Variants in ADAM15 observed in about 807,000 individuals in gnomAD.
The protein encoded by ADAM15 is ADAM metallopeptidase domain 15, also known as disintegrin and metalloproteinase domain-containing protein 15.
ADAM15 carries 77 observed loss-of-function variants against 113.8 expected under a neutral mutation model. The observed-to-expected ratio is 0.68, with a 90% CI of 0.56 to 0.82. ADAM15 has a LOEUF of 0.82. Among genes scored for constraint, ADAM15 ranks in the 40% least tolerant of loss-of-function variants. The probability of loss-of-function intolerance (pLI) is 0.00; values close to 1 mark genes in which losing one functional copy is unlikely to be tolerated. For missense variants in ADAM15, 963 were observed against 1,120.1 expected, an observed-to-expected ratio of 0.86 and a Z score of 2.00; for synonymous variants, 388 against 454.1, an observed-to-expected ratio of 0.85 and a Z score of 1.85.
intron 6 of ADAM15, 193 bp from the exon 7 acceptor site, chr1:155,055,597 C>T: frequency 1.6e-6 from 1 of 619,246 alleles, no homozygotes; most frequent in Non-Finnish European, 2.9e-6. Context: ...TCTACTCCAA[C>T]CTTCATTATC....
In ADAM15 at chr1:155,056,502, C is replaced by A. The variant is rs755513616; in HGVS notation, c.999+32C>A. 6.3e-7 allele frequency: 1 copy of A among 1,595,980 alleles called. No homozygotes were observed. The highest frequency in any genetic ancestry group is 1.1e-5 in the South Asian group (1 of 90,488). ...TATTTCCAGGTCTCCTCCTCATTCCCAATTCAGTTCCTCCCAAGTGTGGTG... is the reference window on the plus strand; with the variant it reads ...TATTTCCAGGTCTCCTCCTCATTCCAAATTCAGTTCCTCCCAAGTGTGGTG... On this transcript the variant is annotated intron_variant, in intron 10 of 22. Transcript: ENST00000356955. This position sits in a 1 kb window ranked among gnomAD's most constrained non-coding sequence, Gnocchi z 4.0.
At position 155,057,738 on chromosome 1, in the gene ADAM15, A is replaced by C. The variant is rs1661980234; in HGVS notation, c.1416+9A>C. ...GTTGTCAAAATTGCCAGGTGGGTAGAGACTAGACTGGCCACCCGGAGCTCA... is the reference window on the plus strand; with the variant it reads ...GTTGTCAAAATTGCCAGGTGGGTAGCGACTAGACTGGCCACCCGGAGCTCA... On this transcript the variant is annotated intron_variant, in intron 13 of 22. Coordinates refer to ENST00000356955, the MANE Select transcript of ADAM15 (RefSeq NM_207197.3). The surrounding 1 kb of genome is among the most constrained non-coding windows in gnomAD (Gnocchi z 5.0). 6.8e-6 allele frequency: 11 copies of C among 1,614,130 alleles called. No individual in the cohort carries two copies. Among genetic ancestry groups the C allele is most frequent in the Non-Finnish European group, 9.3e-6 (11 of 1,179,982 alleles).
At chr1:155,053,821 C>G in intron 3 of ADAM15, 89 bp from the exon 4 acceptor site, 1 of 1,489,926 alleles carries the variant, frequency 6.7e-7, no homozygotes, top group South Asian at 1.2e-5. Flanking sequence ...GCCTGGTCCC[C>G]AGCCCCACAA....
At chr1:155,054,928 G>T (rs1678000004) in intron 6 of ADAM15, among the ~76,000 whole-genome samples, 3 of 152,190 alleles carry the variant, frequency 2.0e-5, no homozygotes, top group South Asian at 4.2e-4. Flanking sequence ...TAGGTGGTTT[G>T]CCCGAGGCCC....
chr1:155,056,893 C>T lies in ADAM15; in HGVS notation c.1000-60C>T. 1 of 1,515,426 alleles carries T rather than the reference C, an allele frequency of 6.6e-7. No individual in the cohort carries two copies. The allele number at this position is 1,515,426 out of a possible 1,614,324, so 93.9% of individuals were successfully genotyped here. On this transcript the variant is annotated intron_variant, in intron 10 of 22. Coordinates refer to ENST00000356955, the MANE Select transcript of ADAM15 (RefSeq NM_207197.3). This position sits in a 1 kb window ranked among gnomAD's most constrained non-coding sequence, Gnocchi z 4.0. ...AGGGAACAGGAGCAGAGAGGGTGGTCTGGGCATTGTGGTGGAGGCAGGCTG... is the reference window on the plus strand; with the variant it reads ...AGGGAACAGGAGCAGAGAGGGTGGTTTGGGCATTGTGGTGGAGGCAGGCTG...
Position 155,062,552 on chromosome 1 carries a change from G to A in ADAM15, c.*50G>A. ...CAAGCCGGACTTAGGGCTTCAAGAG[G>A]CGGGCGTGCCCTCTGGAGTCCCCTA... is the stretch of plus-strand genomic sequence containing the variant. On this transcript the variant is annotated 3_prime_UTR_variant, in exon 23 of 23. Coordinates refer to ENST00000356955, the MANE Select transcript of ADAM15 (RefSeq NM_207197.3). This position sits in a 1 kb window ranked among gnomAD's most constrained non-coding sequence, Gnocchi z 7.0. 1 of 1,600,220 alleles carries A rather than the reference G, an allele frequency of 6.2e-7. No homozygotes were observed. Among genetic ancestry groups the A allele is most frequent in the Non-Finnish European group, 8.5e-7 (1 of 1,173,750 alleles).
In ADAM15 at chr1:155,057,101, A is replaced by T; in HGVS notation, c.1148A>T (p.Asp383Val). The change falls in exon 11 of 23, where the codon GAC (aspartate) becomes GTC (valine). Residue 383 changes from aspartate (D) to valine (V), a missense_variant and splice_region_variant. Asp to Val is a radical substitution (Grantham distance 152). Transcript: ENST00000356955. The surrounding 1 kb of genome is among the most constrained non-coding windows in gnomAD (Gnocchi z 5.0). Reference protein sequence around the residue: ...AKTCIMEASTDFLPGLNFSNC... With the variant: ...AKTCIMEASTVFLPGLNFSNC... ...ACCTGCATCATGGAGGCCTCCACAG[A>T]GTAAGTAGCTGCAGGATGGAGAGAG... 1 of 1,569,590 alleles carries T rather than the reference A, an allele frequency of 6.4e-7. No homozygotes were observed. Among genetic ancestry groups the T allele is most frequent in the South Asian group, 1.2e-5 (1 of 85,372 alleles).
intron 1 of ADAM15, chr1:155,052,098 A>C (rs1297944017): frequency 2.2e-5 from 2 of 92,778 alleles, no homozygotes; most frequent in South Asian, 2.6e-4. Flanking sequence ...GCGCGGGTGG[A>C]GTGTCCGGAG....
intron 19 of ADAM15, 82 bp from the exon 20 acceptor site, chr1:155,061,333 G>T: frequency 9.4e-7 from 1 of 1,064,184 alleles, no homozygotes; most frequent in Admixed American, 2.0e-5. Context: ...GGCCCCCCCT[G>T]GGCACTGACC....
At chr1:155,055,623 C>T in intron 6 of ADAM15, 167 bp from the exon 7 acceptor site, 2 of 683,530 alleles carry the variant, frequency 2.9e-6, no homozygotes, top group South Asian at 1.8e-5. Flanking sequence ...CCTGGTCCTC[C>T]TTGGCAAGTT....
At position 155,061,891 on chromosome 1, in the gene ADAM15, T is replaced by G; in HGVS notation, c.2353-13T>G. 1.3e-6 allele frequency: 2 copies of G among 1,511,484 alleles called. No individual in the cohort carries two copies. Among genetic ancestry groups the G allele is most frequent in the Non-Finnish European group, 1.8e-6 (2 of 1,127,434 alleles). 93.6% of individuals were successfully genotyped at this position (1,511,484 alleles called of 1,614,324 possible). A position where few individuals can be genotyped will look rare whatever the true frequency, so the allele number is the denominator to read the frequency against. On this transcript the variant is annotated splice_polypyrimidine_tract_variant and intron_variant, in intron 20 of 22. Coordinates refer to ENST00000356955, the MANE Select transcript of ADAM15 (RefSeq NM_207197.3). ...GTTATGCTCTCACAGCCACTGCCCCTCTCTCTGTTCAGGCTGAGCTGGCTG... is the reference window on the plus strand; with the variant it reads ...GTTATGCTCTCACAGCCACTGCCCCGCTCTCTGTTCAGGCTGAGCTGGCTG...
At position 155,053,482 on chromosome 1, in the gene ADAM15, G is replaced by T. The variant is rs556409690; in HGVS notation, c.252G>T (p.Leu84=). The change falls in exon 3 of 23, where the codon CTG becomes CTT. Residue 84 remains leucine (L), a synonymous_variant. Coordinates refer to ENST00000356955, the MANE Select transcript of ADAM15 (RefSeq NM_207197.3). ...ELDGDSHILE[L]LQNRELVPGR... is the part of the protein sequence containing the mutation. Reference sequence around the variant, plus strand: ...ACGGTGACAGTCATATCCTGGAGCTGCTACAGAATAGGTAATAGTGATGGT... The same window carrying T: ...ACGGTGACAGTCATATCCTGGAGCTTCTACAGAATAGGTAATAGTGATGGT... 2.5e-6 allele frequency: 4 copies of T among 1,614,160 alleles called. No individual in the cohort carries two copies. In the Admixed American group the frequency reaches 6.7e-5, roughly 27 times the overall value.
Position 155,062,421 on chromosome 1 carries a change from G to A in ADAM15, c.2550-39G>A. The A allele has an allele frequency of 1.2e-6, 2 of 1,612,740 alleles. No individual in the cohort carries two copies. On this transcript the variant is annotated intron_variant, in intron 22 of 22. Coordinates refer to ENST00000356955, the MANE Select transcript of ADAM15 (RefSeq NM_207197.3). This position sits in a 1 kb window ranked among gnomAD's most constrained non-coding sequence, Gnocchi z 7.0. ...GCGGGGCGAGTGACCTGGGGGAAAG[G>A]GGCCTCTGACTCTTTTTTCTTGGCT...
In ADAM15 at chr1:155,058,296, T is replaced by C; in HGVS notation, c.1772T>C (p.Leu591Pro). The change falls in exon 15 of 23, where the codon CTG becomes CCG. Residue 591 changes from leucine to proline, a missense_variant. Coordinates refer to ENST00000356955, the MANE Select transcript of ADAM15 (RefSeq NM_207197.3). The surrounding 1 kb of genome is among the most constrained non-coding windows in gnomAD (Gnocchi z 4.3). ...LQCQTGRTQPLLGSIRDLLWE... is the reference protein window; with the variant it reads ...LQCQTGRTQPPLGSIRDLLWE... ...TGCCAGACAGGTAGGACCCAGCCTC[T>C]GCTGGGCTCCATCCGGGATCTACTC... is the stretch of plus-strand genomic sequence containing the variant. The C allele has an allele frequency of 6.2e-7, 1 of 1,614,018 alleles. No homozygotes were observed.
Position 155,053,965 on chromosome 1 carries a change from G to C in ADAM15, c.319G>C (p.Val107Leu). ...LVWYQPDGTR[V>L]VSEGHTLENC... ...GTGGTACCAGCCCGATGGCACTCGG[G>C]TGGTCAGTGAGGGACACACTTTGGT... The change falls in exon 4 of 23, where the codon GTG (valine) becomes CTG (leucine). Residue 107 changes from valine to leucine, a missense_variant. Transcript: ENST00000356955. 6.2e-7 allele frequency: 1 copy of C among 1,614,214 alleles called. No individual in the cohort carries two copies. Among genetic ancestry groups the C allele is most frequent in the Non-Finnish European group, 8.5e-7 (1 of 1,180,040 alleles).
intron 5 of ADAM15, 26 bp from the exon 6 acceptor site, chr1:155,054,288 T>C (rs1558121329): frequency 6.3e-7 from 1 of 1,585,814 alleles, no homozygotes; most frequent in Non-Finnish European, 8.6e-7. Context: ...GGAGCTGAAA[T>C]GTTCTCTGAC....
intron 17 of ADAM15, 69 bp downstream of exon 17, chr1:155,060,043 G>A (rs1032599242): frequency 3.4e-5 from 55 of 1,594,658 alleles, no homozygotes; most frequent in Admixed American, 1.0e-4. Flanking sequence ...TTGCCCCCTC[G>A]GCCCTCTCTT....
chr1:155,051,651 G>A, intron 1 of ADAM15, 186 bp downstream of exon 1: 1 of 505,610 alleles, frequency 2.0e-6, no homozygotes, highest in Non-Finnish European at 3.3e-6. Context: ...AAGAGAAGGA[G>A]GGGGGATGCC....
chr1:155,054,357 C>A lies in ADAM15; in HGVS notation c.463C>A (p.Gln155Lys). Residue 155 changes from glutamine to lysine, a missense_variant, in exon 6 of 23, where the codon CAG becomes AAG. Transcript: ENST00000356955. ...CCCAGAGAGAAGCTATACCCTGGAG[C>A]AGGGGCCTGGGGACCTTCAGGGTCC... is the stretch of plus-strand genomic sequence containing the variant. ...LTPERSYTLE[Q>K]GPGDLQGPPI... 6.2e-7 allele frequency: 1 copy of A among 1,611,872 alleles called. No individual in the cohort carries two copies.
Sources: allele counts gnomAD v4.1 joint callset (sites outside exome capture counted in the v4.1 genomes callset), GRCh38; gene constraint gnomAD v4.1.1; non-coding constraint Gnocchi (gnomAD v3.1); transcripts MANE v1.5; gene names NCBI Gene and HGNC (gene_info 2026-07-23, HGNC 2026-07-21).